The following INPP4B variants were observed in gnomAD, a reference collection of about 807,000 sequenced individuals.
INPP4B encodes inositol polyphosphate 4-phosphatase type II.
A neutral mutation model predicts 122.5 loss-of-function variants in INPP4B; 55 were observed. That is an observed-to-expected ratio of 0.45 (90% CI 0.36 to 0.56). The LOEUF (loss-of-function observed/expected upper bound fraction) is 0.56, where lower values mean the gene tolerates loss of function less well. Ranked by LOEUF, INPP4B falls within the 20% of genes least tolerant of loss-of-function variation. The pLI is 0.00. For synonymous variants in INPP4B, 403 were observed against 388.7 expected (o/e 1.04, Z -0.43); for missense variants, 1,000 against 1,097.7 (o/e 0.91, Z 1.26).
rs1805768977 is a variant in INPP4B at position 142,416,358 on chromosome 4, G to A, written c.137-11034C>T. 3.3e-5 allele frequency among the ~76,000 whole-genome samples: 5 copies of A among 152,102 alleles called. No individual in the cohort carries two copies. In the South Asian group the frequency reaches 6.2e-4, roughly 19 times the overall value. On this transcript the variant is annotated intron_variant, in intron 5 of 25. Coordinates refer to ENST00000262992, the MANE Select transcript of INPP4B (RefSeq NM_001101669.3). ...CATGGTCTGGGTTTTACCAAATCCT[G>A]AGCATGCTTTCCCAAACCAAAATAT...
chr4:142,469,512 G>T (rs1037762334), intron 2 of INPP4B, among the ~76,000 whole-genome samples: 3 of 151,848 alleles, frequency 2.0e-5, no homozygotes, highest in African/African-American at 7.3e-5. Context: ...ATTTTCCAAA[G>T]TTCATTTGAA....
At chr4:142,554,830 C>A (rs1728797888) in intron 2 of INPP4B, among the ~76,000 whole-genome samples, 1 of 152,080 alleles carries the variant, frequency 6.6e-6, no homozygotes, top group Non-Finnish European at 1.5e-5. Flanking sequence ...AATCAAAGAC[C>A]ACATCCAAAA....
At chr4:142,146,103 T>C in intron 17 of INPP4B, 107 bp from the exon 18 acceptor site, 1 of 1,236,214 alleles carries the variant, frequency 8.1e-7, no homozygotes, top group Non-Finnish European at 1.1e-6. Flanking sequence ...GTCATTAGAA[T>C]GCAGATTGAG....
At chr4:142,315,202 C>T (rs1221452744) in intron 7 of INPP4B, among the ~76,000 whole-genome samples, 1 of 148,540 alleles carries the variant, frequency 6.7e-6, no homozygotes, top group African/African-American at 2.5e-5. Flanking sequence ...ACATGTATTG[C>T]AATGTCATTA....
chr4:142,086,342 T>C, intron 23 of INPP4B, 86 bp from the exon 24 acceptor site: 1 of 744,488 alleles, frequency 1.3e-6, no homozygotes, highest in Non-Finnish European at 2.3e-6. Flanking sequence ...ATACATTTAT[T>C]TGCAAACACA....
chr4:142,253,507 C>T (rs36138848), intron 11 of INPP4B, among the ~76,000 whole-genome samples: 81,853 of 151,974 alleles, frequency 0.54, 26,183 homozygotes, highest in Non-Finnish European at 0.69. Flanking sequence ...GCACCATGTG[C>T]GAGCCGAAGC....
At chr4:142,387,894 G>A (rs1796466639) in intron 7 of INPP4B, among the ~76,000 whole-genome samples, 1 of 152,098 alleles carries the variant, frequency 6.6e-6, no homozygotes, top group Non-Finnish European at 1.5e-5. Context: ...TCATGTCCTT[G>A]GGAGCATGAC....
Position 142,108,077 on chromosome 4 carries a change from T to C in INPP4B, c.2374+16A>G, listed in dbSNP as rs765302674. The C allele has an allele frequency of 3.1e-6, 4 of 1,275,458 alleles. No individual in the cohort carries two copies. The highest frequency in any genetic ancestry group is 1.2e-5 in the South Asian group (1 of 81,792). The allele number at this position is 1,275,458 out of a possible 1,614,324, so 79.0% of individuals were successfully genotyped here. ...AAGAAGCTATTATTGCTGTCTTCTC[T>C]AACTCACATACTTACAATCAGGAGG... On this transcript the variant is annotated intron_variant, in intron 23 of 25. Coordinates refer to ENST00000262992, the MANE Select transcript of INPP4B (RefSeq NM_001101669.3).
intron 12 of INPP4B, among the ~76,000 whole-genome samples, chr4:142,224,916 A>G (rs1291864157): frequency 6.6e-6 from 1 of 152,178 alleles, no homozygotes; most frequent in Non-Finnish European, 1.5e-5. Context: ...TTTAAAGTTT[A>G]TATGTCCCAA....
chr4:142,776,663 T>C (rs774299473), intron 1 of INPP4B, among the ~76,000 whole-genome samples: 4 of 152,146 alleles, frequency 2.6e-5, no homozygotes, highest in Non-Finnish European at 5.9e-5. Flanking sequence ...TCTCCAAGGT[T>C]TGAATGATTT....
intron 5 of INPP4B, among the ~76,000 whole-genome samples, chr4:142,416,594 A>G (rs921789290): frequency 1.3e-5 from 2 of 152,168 alleles, no homozygotes; most frequent in Non-Finnish European, 2.9e-5. Flanking sequence ...CAGATTAGGA[A>G]GTAAGAGGAA....
intron 2 of INPP4B, among the ~76,000 whole-genome samples, chr4:142,557,297 AGAG>A (rs1483362989): frequency 6.6e-6 from 1 of 152,236 alleles, no homozygotes; most frequent in African/African-American, 2.4e-5. Flanking sequence ...AACATGAATA[AGAG>A]GAGAACAAGA....
chr4:142,406,155 A>G (rs1238844053), intron 5 of INPP4B, among the ~76,000 whole-genome samples: 1 of 152,178 alleles, frequency 6.6e-6, no homozygotes, highest in Non-Finnish European at 1.5e-5. Context: ...CTTTGAAATA[A>G]TAATTTTACT....
At chr4:142,284,031 G>A (rs2150834157) in intron 9 of INPP4B, among the ~76,000 whole-genome samples, 1 of 152,260 alleles carries the variant, frequency 6.6e-6, no homozygotes, top group South Asian at 2.1e-4. Context: ...TCCCAAGGAA[G>A]AGGAACACTG....
chr4:142,498,218 C>CATACATATAAACACATATACAT (rs1553944813), intron 2 of INPP4B, among the ~76,000 whole-genome samples: 18 of 148,416 alleles, frequency 1.2e-4, no homozygotes, highest in African/African-American at 4.1e-4. Flanking sequence ...TATATATATA[C>CATACATATAAACACATATACAT]ACATATACTT....
chr4:142,690,419 C>A (rs1184870672), intron 2 of INPP4B, among the ~76,000 whole-genome samples: 1 of 151,842 alleles, frequency 6.6e-6, no homozygotes, highest in Non-Finnish European at 1.5e-5. Context: ...AATGTAAAAG[C>A]CTTTTAATTT....
intron 5 of INPP4B, among the ~76,000 whole-genome samples, chr4:142,406,841 C>G (rs561258871): frequency 6.6e-6 from 1 of 152,240 alleles, no homozygotes; most frequent in East Asian, 1.9e-4. Context: ...TTCAGTTTTA[C>G]ATAGAACTAG....
chr4:142,045,901 T>C (rs10023541), intron 25 of INPP4B, among the ~76,000 whole-genome samples: 4,362 of 152,152 alleles, frequency 0.029, 207 homozygotes, highest in African/African-American at 0.099. Context: ...AATATACATT[T>C]TATTTTAGGT....
chr4:142,109,307 G>T (rs893968830), intron 22 of INPP4B, among the ~76,000 whole-genome samples: 1 of 152,062 alleles, frequency 6.6e-6, no homozygotes, highest in African/African-American at 2.4e-5. Flanking sequence ...AATGAAAAAT[G>T]AATTCATCTA....
Sources: gnomAD v4.1 joint callset for allele counts (sites outside exome capture counted in the v4.1 genomes callset) on GRCh38, gnomAD v4.1.1 for gene constraint, MANE v1.5 for transcripts, NCBI Gene and HGNC (gene_info 2026-07-23, HGNC 2026-07-21) for gene names.